Variants in DAB1 observed in about 807,000 individuals in gnomAD.
The protein encoded by DAB1 is disabled homolog 1.
Under a neutral mutation model 64.6 loss-of-function variants are expected in DAB1, and 15 were observed. The ratio of observed to expected loss-of-function variants is 0.23; its 90% CI spans 0.16 to 0.36. The LOEUF (loss-of-function observed/expected upper bound fraction) is 0.36. Ranked by LOEUF, DAB1 falls within the 10% of genes least tolerant of loss-of-function variation. The pLI is 1.00. For missense variants in DAB1, 596 were observed against 706.7 expected, an observed-to-expected ratio of 0.84 and a Z score of 1.78; for synonymous variants, 235 against 251.9, an observed-to-expected ratio of 0.93 and a Z score of 0.64.
chr1:57,378,592 G>A (rs1212148116), intron 1 of DAB1, among the ~76,000 whole-genome samples: 1 of 152,190 alleles, frequency 6.6e-6, no homozygotes, highest in African/African-American at 2.4e-5. Context: ...CCTCCAGGAA[G>A]TACAGTACAG....
intron 6 of DAB1, among the ~76,000 whole-genome samples, chr1:57,777,599 T>C (rs538952194): frequency 1.3e-5 from 2 of 151,996 alleles, no homozygotes; most frequent in Non-Finnish European, 2.9e-5. Context: ...AGATATTATA[T>C]ATTTCAACTC....
intron 1 of DAB1, among the ~76,000 whole-genome samples, chr1:57,850,437 A>G (rs1233413201): frequency 6.8e-6 from 1 of 147,122 alleles, no homozygotes; most frequent in Non-Finnish European, 1.5e-5. Context: ...GGATTGTGTA[A>G]CTTCAGATAA....
intron 5 of DAB1, among the ~76,000 whole-genome samples, chr1:58,072,093 G>GGT (rs1553157686): frequency 1.3e-4 from 16 of 120,212 alleles, no homozygotes; most frequent in Non-Finnish European, 2.6e-4. Flanking sequence ...GGTGGGGGGG[G>GGT]GTGGGTAGTA....
At chr1:57,295,107 A>G (rs1310676660) in intron 1 of DAB1, among the ~76,000 whole-genome samples, 1 of 152,242 alleles carries the variant, frequency 6.6e-6, no homozygotes, top group East Asian at 1.9e-4. Context: ...CTTAATGGGT[A>G]TGGGGTCTTC....
At chr1:57,181,231 C>T (rs1032002851) in intron 2 of DAB1, among the ~76,000 whole-genome samples, 2 of 151,810 alleles carry the variant, frequency 1.3e-5, no homozygotes, top group Non-Finnish European at 2.9e-5. Flanking sequence ...AATAAAATGT[C>T]CCACAGTCCA....
chr1:57,125,447 T>A (rs935301340), intron 4 of DAB1, among the ~76,000 whole-genome samples: 2 of 152,148 alleles, frequency 1.3e-5, no homozygotes, highest in Admixed American at 6.6e-5. Context: ...ACTTCTTCTA[T>A]AGCAGGTTAT....
intron 4 of DAB1, among the ~76,000 whole-genome samples, chr1:57,120,741 G>C (rs925930045): frequency 6.6e-6 from 1 of 152,148 alleles, no homozygotes; most frequent in Non-Finnish European, 1.5e-5. Context: ...GGTTCACTTA[G>C]AATAATGTCT....
chr1:58,490,170 T>A (rs912916210), intron 3 of DAB1, among the ~76,000 whole-genome samples: 1 of 152,084 alleles, frequency 6.6e-6, no homozygotes, highest in Non-Finnish European at 1.5e-5. Flanking sequence ...TTCGAACCCA[T>A]GGCAAAGAAG....
intron 5 of DAB1, among the ~76,000 whole-genome samples, chr1:57,936,122 C>T (rs993505741): frequency 3.7e-4 from 56 of 152,298 alleles, no homozygotes; most frequent in South Asian, 8.3e-4. Flanking sequence ...GCCTTACAGG[C>T]GGGTTATTCC....
chr1:58,030,686 T>G (rs1646958519), intron 5 of DAB1, among the ~76,000 whole-genome samples: 2 of 152,326 alleles, frequency 1.3e-5, no homozygotes, highest in Middle Eastern at 6.8e-3. Context: ...TATTCACCTT[T>G]GTACTGCCAG....
intron 6 of DAB1, among the ~76,000 whole-genome samples, chr1:57,675,459 G>T (rs1421431651): frequency 6.6e-6 from 1 of 152,108 alleles, no homozygotes; most frequent in Non-Finnish European, 1.5e-5. Flanking sequence ...CCATATACCT[G>T]TCTCAGTCTC....
intron 3 of DAB1, among the ~76,000 whole-genome samples, chr1:58,430,024 C>T (rs1644855488): frequency 6.6e-6 from 1 of 152,152 alleles, no homozygotes; most frequent in Admixed American, 6.5e-5. Context: ...CTCTCTGTGG[C>T]CTCTTATATA....
intron 5 of DAB1, among the ~76,000 whole-genome samples, chr1:58,055,938 A>T (rs1350905791): frequency 6.8e-6 from 1 of 146,330 alleles, no homozygotes; most frequent in Non-Finnish European, 1.5e-5. Context: ...GGGTCTCCCT[A>T]TGTTGTTCAG....
chr1:57,614,868 C>CTTTTT (rs34907824), intron 7 of DAB1, among the ~76,000 whole-genome samples: 69 of 38,718 alleles, frequency 1.8e-3, no homozygotes, highest in African/African-American at 3.2e-3. Flanking sequence ...TTCTTTCTTT[C>CTTTTT]TTTTTTTTTT....
At chr1:57,852,775 A>G (rs879031513) in intron 1 of DAB1, among the ~76,000 whole-genome samples, 3 of 152,016 alleles carry the variant, frequency 2.0e-5, no homozygotes, top group Admixed American at 2.0e-4. Context: ...ATTTATTATT[A>G]TCTGTCACAC....
intron 1 of DAB1, among the ~76,000 whole-genome samples, chr1:57,367,328 C>T (rs543611399): frequency 4.6e-5 from 7 of 151,954 alleles, no homozygotes; most frequent in South Asian, 4.1e-4. Context: ...AGTAAGAGTT[C>T]GGAAGTCTGA....
At chr1:57,069,872 C>T (rs1407287875) in intron 7 of DAB1, among the ~76,000 whole-genome samples, 1 of 152,172 alleles carries the variant, frequency 6.6e-6, no homozygotes, top group Non-Finnish European at 1.5e-5. Context: ...TCAGAAGCCC[C>T]AAACTCCTTT....
At chr1:58,207,771 T>C (rs1658354486) in intron 4 of DAB1, among the ~76,000 whole-genome samples, 1 of 152,090 alleles carries the variant, frequency 6.6e-6, no homozygotes, top group African/African-American at 2.4e-5. Context: ...TTAATATCTG[T>C]CCTGAAAAGA....
At chr1:57,333,194 G>C (rs1369053834) in intron 1 of DAB1, among the ~76,000 whole-genome samples, 1 of 152,194 alleles carries the variant, frequency 6.6e-6, no homozygotes, top group Non-Finnish European at 1.5e-5. Context: ...AAGCCTCTTA[G>C]AGGCAGGAAC....
Sources: allele counts gnomAD v4.1 joint callset (sites outside exome capture counted in the v4.1 genomes callset), GRCh38; gene constraint gnomAD v4.1.1; transcripts MANE v1.5; gene names NCBI Gene and HGNC (gene_info 2026-07-23, HGNC 2026-07-21).